FARS2: variants seen among roughly 807,000 people sequenced by gnomAD.
FARS2 encodes phenylalanine--tRNA ligase, mitochondrial.
A neutral mutation model predicts 46.4 loss-of-function variants in FARS2; 40 were observed. That is an observed-to-expected ratio of 0.86 (90% CI 0.67 to 1.12). FARS2 has a LOEUF of 1.12. Among genes scored for constraint, FARS2 ranks in the 50% most tolerant of loss-of-function variants. FARS2 has a pLI of 0.00. For missense variants in FARS2, 513 were observed against 567.9 expected, an observed-to-expected ratio of 0.90 and a Z score of 0.98; for synonymous variants, 234 against 214.9, an observed-to-expected ratio of 1.09 and a Z score of -0.78.
intron 6 of FARS2, among the ~76,000 whole-genome samples, chr6:5,647,542 C>G (rs1777139931): frequency 1.3e-5 from 2 of 152,214 alleles, no homozygotes; most frequent in South Asian, 4.1e-4. Flanking sequence ...GTTTTGACAA[C>G]TGATTGATCA....
At chr6:5,570,032 G>T (rs533439071) in intron 5 of FARS2, among the ~76,000 whole-genome samples, 2 of 152,148 alleles carry the variant, frequency 1.3e-5, no homozygotes, top group Non-Finnish European at 2.9e-5. Context: ...CTTGCTTAAG[G>T]ACAGGTTATG....
intron 6 of FARS2, among the ~76,000 whole-genome samples, chr6:5,664,695 G>A (rs1351995035): frequency 1.3e-5 from 2 of 152,202 alleles, no homozygotes; most frequent in African/African-American, 2.4e-5. Flanking sequence ...ATGAGATGTT[G>A]AGGATGGATC....
chr6:5,258,928 T>C (rs994211555), upstream of FARS2, among the ~76,000 whole-genome samples: 5 of 152,226 alleles, frequency 3.3e-5, no homozygotes, highest in Admixed American at 6.5e-5. Context: ...TCCTGTTCAG[T>C]TGGCAATTAC....
intron 4 of FARS2, among the ~76,000 whole-genome samples, chr6:5,432,314 TAA>T (rs775731412): frequency 0.062 from 6,035 of 96,944 alleles, 453 homozygotes; most frequent in African/African-American, 0.19. Context: ...CACTCAGTCT[TAA>T]AAAAAAAAAA....
intron 1 of FARS2, among the ~76,000 whole-genome samples, chr6:5,325,510 A>C (rs968620519): frequency 1.3e-5 from 2 of 152,144 alleles, no homozygotes; most frequent in African/African-American, 4.8e-5. Context: ...AGCACAAAGA[A>C]TCACTTAGTT....
At chr6:5,399,700 T>C (rs1761137963) in intron 2 of FARS2, among the ~76,000 whole-genome samples, 1 of 152,204 alleles carries the variant, frequency 6.6e-6, no homozygotes, top group South Asian at 2.1e-4. Flanking sequence ...TATTTTATTA[T>C]TTCTTACATG....
chr6:5,490,151 C>T (rs571364793), intron 4 of FARS2, among the ~76,000 whole-genome samples: 1 of 151,936 alleles, frequency 6.6e-6, no homozygotes, highest in Non-Finnish European at 1.5e-5. Context: ...TTGGATAATA[C>T]TTAGATGTTT....
At chr6:5,600,598 C>T (rs941506490) in intron 5 of FARS2, among the ~76,000 whole-genome samples, 5 of 152,102 alleles carry the variant, frequency 3.3e-5, no homozygotes, top group South Asian at 2.1e-4. Flanking sequence ...TCAAACATTT[C>T]GATGGAAAAC....
At position 5,292,177 on chromosome 6, in the gene FARS2, T is replaced by C. The variant is rs188547449; in HGVS notation, c.-22+30517T>C. ...CACATGTGTCTGTATGGCTGATGTT[T>C]CCAGGGAGGTAGTTGATGACAAGAC... On this transcript the variant is annotated intron_variant, in intron 1 of 6. Coordinates refer to ENST00000274680, the MANE Select transcript of FARS2 (RefSeq NM_006567.5). Among the ~76,000 whole-genome samples, 5 of 152,326 alleles carry C rather than the reference T, an allele frequency of 3.3e-5. No homozygotes were observed. The East Asian group carries it at 9.6e-4, about 29-fold the overall frequency.
Position 5,291,342 on chromosome 6 carries a change from A to T in FARS2, c.-22+29682A>T, listed in dbSNP as rs573070783. ...ATTTTGAATAAGTTGAACACCTTCT[A>T]AACTTTTTTCCAAAATCCAGTGCTG... is the stretch of plus-strand genomic sequence containing the variant. On this transcript the variant is annotated intron_variant, in intron 1 of 6. Transcript: ENST00000274680. The T allele has an allele frequency of 2.0e-5, 3 of 152,328 alleles. No homozygotes were observed. In the South Asian group the frequency reaches 6.2e-4, roughly 32 times the overall value. 9.4% of individuals were successfully genotyped at this position (152,328 alleles called of 1,614,324 possible). A position where few individuals can be genotyped will look rare whatever the true frequency, so the allele number is the denominator to read the frequency against.
chr6:5,538,272 GTGTCTA>G (rs1770346005), intron 4 of FARS2, among the ~76,000 whole-genome samples: 1 of 152,000 alleles, frequency 6.6e-6, no homozygotes, highest in Non-Finnish European at 1.5e-5. Flanking sequence ...GTACCTTTAA[GTGTCTA>G]TGTATTTATG....
intron 4 of FARS2, among the ~76,000 whole-genome samples, chr6:5,515,318 A>G (rs551175690): frequency 6.6e-6 from 1 of 152,302 alleles, no homozygotes; most frequent in Admixed American, 6.5e-5. Flanking sequence ...GTGGAACGAA[A>G]ACTCTAGGTC....
intron 4 of FARS2, among the ~76,000 whole-genome samples, chr6:5,486,914 C>A (rs1235363957): frequency 1.3e-5 from 2 of 152,136 alleles, no homozygotes; most frequent in Non-Finnish European, 2.9e-5. Flanking sequence ...TCAAATGAAT[C>A]TTTGATCAGT....
intron 5 of FARS2, among the ~76,000 whole-genome samples, chr6:5,602,525 C>T (rs1348266759): frequency 2.0e-5 from 3 of 151,328 alleles, no homozygotes; most frequent in African/African-American, 7.3e-5. Flanking sequence ...TGGCCACCTG[C>T]AGTCCCAGCT....
intron 4 of FARS2, chr6:5,466,770 G>A: frequency 7.1e-6 from 7 of 981,412 alleles, no homozygotes; most frequent in Non-Finnish European, 8.5e-6. Flanking sequence ...GACTGAAGCA[G>A]CACCCCTGGT....
At chr6:5,444,680 C>A (rs867281492) in intron 4 of FARS2, among the ~76,000 whole-genome samples, 14 of 152,088 alleles carry the variant, frequency 9.2e-5, no homozygotes, top group Non-Finnish European at 1.8e-4. Context: ...CACTCAATAT[C>A]CATATATAAA....
At chr6:5,532,847 G>A (rs956375006) in intron 4 of FARS2, among the ~76,000 whole-genome samples, 1 of 152,046 alleles carries the variant, frequency 6.6e-6, no homozygotes, top group Admixed American at 6.5e-5. Flanking sequence ...GTTCCTTGTA[G>A]CAGTTGTTTT....
At chr6:5,334,418 G>A (rs1400147973) in intron 1 of FARS2, among the ~76,000 whole-genome samples, 1 of 152,136 alleles carries the variant, frequency 6.6e-6, no homozygotes, top group Non-Finnish European at 1.5e-5. Flanking sequence ...AAAGACATAA[G>A]TATTTCCTTT....
rs559222232 is a variant in FARS2, at chr6:5,430,608, A to G, written c.773-433A>G. On this transcript the variant is annotated intron_variant, in intron 3 of 6. Transcript: ENST00000274680. ...TATATACTTATGGAAGTAAAAGTTG[A>G]TCAGTTTATCTTGAATTGGTCATAT... 5.9e-5 allele frequency among the ~76,000 whole-genome samples: 9 copies of G among 151,944 alleles called. No homozygotes were observed. In the East Asian group the frequency reaches 1.7e-3, roughly 29 times the overall value.
Sources: allele counts gnomAD v4.1 joint callset (sites outside exome capture counted in the v4.1 genomes callset), GRCh38; gene constraint gnomAD v4.1.1; transcripts MANE v1.5; gene names NCBI Gene and HGNC (gene_info 2026-07-23, HGNC 2026-07-21).